The following ZSWIM5 variants were observed in gnomAD, a reference collection of about 807,000 sequenced individuals.
The protein encoded by ZSWIM5 is zinc finger SWIM-type containing 5.
Under a neutral mutation model 119.6 loss-of-function variants are expected in ZSWIM5, and 55 were observed. The ratio of observed to expected loss-of-function variants is 0.46; its 90% CI spans 0.37 to 0.58. The LOEUF is 0.58. Among genes scored for constraint, ZSWIM5 ranks in the 20% least tolerant of loss-of-function variants. The pLI is 0.00. For missense variants in ZSWIM5, 1,193 were observed against 1,512.8 expected, an observed-to-expected ratio of 0.79 and a Z score of 3.51; for synonymous variants, 537 against 606.9, an observed-to-expected ratio of 0.88 and a Z score of 1.69.
chr1:45,205,859 C>A lies in ZSWIM5; in HGVS notation c.492G>T (p.Leu164=). The change falls in exon 1 of 14, where the codon CTG becomes CTT. Residue 164 remains leucine (L), a synonymous_variant. Coordinates refer to ENST00000359600, the MANE Select transcript of ZSWIM5 (RefSeq NM_020883.2). ...AGCCGGCCGCGCCGGCCCCTGCGCC[C>A]AGCCCGGGGGATGCCCCAGCCGCGA... ...GGVAAGASPG[L]GAGAGAAGCG... 5.6e-6 allele frequency: 8 copies of A among 1,428,084 alleles called. No homozygotes were observed. Among genetic ancestry groups the A allele is most frequent in the Non-Finnish European group, 7.4e-6 (8 of 1,085,502 alleles). The allele number at this position is 1,428,084 out of a possible 1,614,324, so 88.5% of individuals were successfully genotyped here.
At position 45,095,889 on chromosome 1, in the gene ZSWIM5, GA is replaced by G. The variant is rs905837756; in HGVS notation, c.596-7653del. On this transcript the variant is annotated intron_variant, in intron 1 of 13. Coordinates refer to ENST00000359600, the MANE Select transcript of ZSWIM5 (RefSeq NM_020883.2). ...TTAACACATTTATCTGTAAAATAAAGAAAAAAAACACATAAAGTGGTTAGGT... is the reference window on the plus strand; with the variant it reads ...TTAACACATTTATCTGTAAAATAAAGAAAAAAACACATAAAGTGGTTAGGT... Among the ~76,000 whole-genome samples the G allele has an allele frequency of 1.1e-4, 17 of 151,656 alleles. No individual in the cohort carries two copies. In the South Asian group the frequency reaches 1.7e-3, roughly 15 times the overall value.
At chr1:45,201,349 T>A (rs1341629276) in intron 1 of ZSWIM5, among the ~76,000 whole-genome samples, 4 of 152,154 alleles carry the variant, frequency 2.6e-5, no homozygotes, top group Non-Finnish European at 5.9e-5. Flanking sequence ...ATACAGCATT[T>A]TTACAGTAAT....
chr1:45,088,340 A>G lies in ZSWIM5; in HGVS notation c.596-103T>C, dbSNP rs954355274. ...TCAATTCATAAATTATGTATTGGGT[A>G]TCTCCTACACACGTACATGATAGGC... On this transcript the variant is annotated intron_variant, in intron 1 of 13. Coordinates refer to ENST00000359600, the MANE Select transcript of ZSWIM5 (RefSeq NM_020883.2). The surrounding 1 kb of genome is among the most constrained non-coding windows in gnomAD (Gnocchi z 4.2). 5 of 820,954 alleles carry G rather than the reference A, an allele frequency of 6.1e-6. No homozygotes were observed. The highest frequency in any genetic ancestry group is 9.3e-6 in the Non-Finnish European group (5 of 535,922). 50.9% of individuals were successfully genotyped at this position (820,954 alleles called of 1,614,324 possible). A position where few individuals can be genotyped will look rare whatever the true frequency, so the allele number is the denominator to read the frequency against.
At chr1:45,205,507 G>C (rs1646182179) in intron 1 of ZSWIM5, among the ~76,000 whole-genome samples, 1 of 151,938 alleles carries the variant, frequency 6.6e-6, no homozygotes, top group African/African-American at 2.4e-5. Context: ...GTGGGGAATA[G>C]AAAGAGTGAA....
intron 1 of ZSWIM5, among the ~76,000 whole-genome samples, chr1:45,204,640 T>C (rs1646176203): frequency 6.6e-6 from 1 of 152,218 alleles, no homozygotes; most frequent in African/African-American, 2.4e-5. Flanking sequence ...CTCCAGGTTT[T>C]ACCTGGAGAG....
chr1:45,024,252 C>T (rs1446098544), intron 11 of ZSWIM5, among the ~76,000 whole-genome samples: 2 of 148,970 alleles, frequency 1.3e-5, no homozygotes, highest in African/African-American at 5.0e-5. Flanking sequence ...GTGCAATGGC[C>T]GTGATCTGGG....
intron 1 of ZSWIM5, among the ~76,000 whole-genome samples, chr1:45,152,333 G>T (rs1425300245): frequency 6.6e-6 from 1 of 152,212 alleles, no homozygotes; most frequent in Non-Finnish European, 1.5e-5. Flanking sequence ...AGAGACGATG[G>T]TAGTTTGGCC....
Position 45,036,448 on chromosome 1 carries a change from C to T in ZSWIM5, c.1895-149G>A, listed in dbSNP as rs192876268. On this transcript the variant is annotated intron_variant, in intron 8 of 13. Coordinates refer to ENST00000359600, the MANE Select transcript of ZSWIM5 (RefSeq NM_020883.2). ...CAGCTCACTGCAGCCTCCGCCTCCCCGGTTCAAGCGATTTTCCTGCCTCAG... is the reference window on the plus strand; with the variant it reads ...CAGCTCACTGCAGCCTCCGCCTCCCTGGTTCAAGCGATTTTCCTGCCTCAG... The T allele has an allele frequency of 4.1e-5, 46 of 1,119,848 alleles. No individual in the cohort carries two copies. In the Admixed American group the frequency reaches 6.4e-4, roughly 16 times the overall value. The allele number at this position is 1,119,848 out of a possible 1,614,324, so 69.4% of individuals were successfully genotyped here. A position where few individuals can be genotyped will look rare whatever the true frequency, so the allele number is the denominator to read the frequency against.
chr1:45,084,726 A>C (rs959446659), intron 2 of ZSWIM5, among the ~76,000 whole-genome samples: 1 of 152,222 alleles, frequency 6.6e-6, no homozygotes, highest in Non-Finnish European at 1.5e-5. Flanking sequence ...CTTTGGCTCC[A>C]TGTCTCACAT....
At chr1:45,042,123 T>G (rs543271678) in intron 6 of ZSWIM5, among the ~76,000 whole-genome samples, 4 of 152,282 alleles carry the variant, frequency 2.6e-5, no homozygotes, top group Admixed American at 2.0e-4. Context: ...TAATTATGGC[T>G]CAGGATAAAT....
At chr1:45,181,288 C>G (rs1646017153) in intron 1 of ZSWIM5, among the ~76,000 whole-genome samples, 1 of 151,942 alleles carries the variant, frequency 6.6e-6, no homozygotes. Context: ...GTGAAGAATG[C>G]AGAAGCCTCA....
At chr1:45,197,198 T>G (rs1253054493) in intron 1 of ZSWIM5, among the ~76,000 whole-genome samples, 2 of 152,250 alleles carry the variant, frequency 1.3e-5, no homozygotes, top group Non-Finnish European at 2.9e-5. Context: ...TTCTCTGGAA[T>G]GCACCTTTGT....
At chr1:45,101,590 A>AT (rs1645439868) in intron 1 of ZSWIM5, among the ~76,000 whole-genome samples, 1 of 152,192 alleles carries the variant, frequency 6.6e-6, no homozygotes, top group Admixed American at 6.5e-5. Flanking sequence ...ACACATGCAC[A>AT]TGTATGTTTA....
chr1:45,028,904 A>G (rs1181062923), intron 11 of ZSWIM5, among the ~76,000 whole-genome samples: 1 of 152,200 alleles, frequency 6.6e-6, no homozygotes, highest in Non-Finnish European at 1.5e-5. Flanking sequence ...GTAACATAGG[A>G]AGACCTCGTC....
At chr1:45,118,613 A>G (rs1645572720) in intron 1 of ZSWIM5, among the ~76,000 whole-genome samples, 1 of 151,824 alleles carries the variant, frequency 6.6e-6, no homozygotes, top group Non-Finnish European at 1.5e-5. Flanking sequence ...GTGCTGGTGC[A>G]TGCCTGTAGT....
intron 11 of ZSWIM5, among the ~76,000 whole-genome samples, chr1:45,027,112 T>A (rs1464082203): frequency 6.6e-6 from 1 of 151,844 alleles, no homozygotes; most frequent in Non-Finnish European, 1.5e-5. Flanking sequence ...CTTTTTTTTT[T>A]TTCGTGGTTA....
rs368107117 is a variant in ZSWIM5 at position 45,018,963 on chromosome 1, A to G, written c.3049T>C (p.Phe1017Leu). 3.1e-6 allele frequency: 5 copies of G among 1,614,238 alleles called. No homozygotes were observed. The African/African-American group carries it at 6.7e-5, about 22-fold the overall frequency. Residue 1017 changes from phenylalanine (F) to leucine (L), a missense_variant, in exon 14 of 14, where the codon TTC (phenylalanine) becomes CTC (leucine). Phe to Leu is a conservative substitution (Grantham distance 22). Around this residue, in one of 2 missense-constraint regions of ZSWIM5, gnomAD observed 961 missense variants for 1,290.0 expected, o/e 0.74. Transcript: ENST00000359600. The surrounding 1 kb of genome is among the most constrained non-coding windows in gnomAD (Gnocchi z 6.7). ...CTCATGGCCAATGAGGCCAGCTTGA[A>G]GGCACGTAGCGGGTAGCCACGGAGC... is the stretch of plus-strand genomic sequence containing the variant. ...MELRGYPLRA[F>L]KLASLAMSHL...
intron 2 of ZSWIM5, among the ~76,000 whole-genome samples, chr1:45,084,587 T>C (rs974726029): frequency 9.9e-5 from 15 of 152,222 alleles, no homozygotes; most frequent in East Asian, 5.8e-4. Context: ...AATGGAAGTA[T>C]AGGCATTGGG....
At position 45,139,071 on chromosome 1, in the gene ZSWIM5, G is replaced by A. The variant is rs568160288; in HGVS notation, c.596-50834C>T. 8.6e-5 allele frequency among the ~76,000 whole-genome samples: 13 copies of A among 151,228 alleles called. No homozygotes were observed. The South Asian group carries it at 1.5e-3, about 17-fold the overall frequency. ...TAATTTTTGTATTTTTAGTAGAGACGGGGGTTCACCACACTGGCCAGGCTG... is the reference window on the plus strand; with the variant it reads ...TAATTTTTGTATTTTTAGTAGAGACAGGGGTTCACCACACTGGCCAGGCTG... On this transcript the variant is annotated intron_variant, in intron 1 of 13. Coordinates refer to ENST00000359600, the MANE Select transcript of ZSWIM5 (RefSeq NM_020883.2).
Sources: gnomAD v4.1 joint callset for allele counts (sites outside exome capture counted in the v4.1 genomes callset) on GRCh38, gnomAD v4.1.1 for gene constraint, gnomAD v4.1.1 regional missense constraint, Gnocchi (gnomAD v3.1) non-coding constraint, MANE v1.5 for transcripts, NCBI Gene and HGNC (gene_info 2026-07-23, HGNC 2026-07-21) for gene names.